Variants in TEX36 observed in about 807,000 individuals in gnomAD.
TEX36 encodes the protein testis expressed 36.
In TEX36, 12 loss-of-function variants were observed where a neutral mutation model predicts 13.6. The ratio of observed to expected loss-of-function variants is 0.88; its 90% confidence interval spans 0.56 to 1.43. The LOEUF is 1.43. Among genes scored for constraint, TEX36 ranks in the 40% most tolerant of loss-of-function variants. The probability of loss-of-function intolerance (pLI) is 0.00; values close to 1 mark genes in which losing one functional copy is unlikely to be tolerated. For synonymous variants in TEX36, 93 were observed against 83.0 expected, an observed-to-expected ratio of 1.12 and a Z score of -0.65; for missense variants, 224 against 228.3, an observed-to-expected ratio of 0.98 and a Z score of 0.12.
At chr10:125,651,073 G>C (rs978260212), downstream of TEX36, among the ~76,000 whole-genome samples, 1 of 152,208 alleles carries the variant, frequency 6.6e-6, no homozygotes, top group South Asian at 2.1e-4. Context: ...GAGGTACAAA[G>C]AGTAGCTGGT....
At chr10:125,581,474 G>A (rs1565165843) in intron 3 of TEX36, among the ~76,000 whole-genome samples, 1 of 152,038 alleles carries the variant, frequency 6.6e-6, no homozygotes, top group African/African-American at 2.4e-5. Context: ...ATATCCTCCT[G>A]GGTATTCTCA....
chr10:125,616,010 G>C (rs1243918135), intron 3 of TEX36, among the ~76,000 whole-genome samples: 1 of 152,074 alleles, frequency 6.6e-6, no homozygotes, highest in African/African-American at 2.4e-5. Context: ...GTTTAGTCTT[G>C]GGAAAGTGTA....
chr10:125,591,389 C>T (rs1846019682), intron 3 of TEX36, among the ~76,000 whole-genome samples: 1 of 152,144 alleles, frequency 6.6e-6, no homozygotes, highest in African/African-American at 2.4e-5. Context: ...TTTGGCTCTG[C>T]CCTTAGTAAC....
intron 3 of TEX36, among the ~76,000 whole-genome samples, chr10:125,614,533 T>C (rs1846332993): frequency 6.6e-6 from 1 of 152,114 alleles, no homozygotes; most frequent in Non-Finnish European, 1.5e-5. Flanking sequence ...ATTTATTAAA[T>C]AGGGAATCCT....
At chr10:125,588,636 A>G (rs1190387351) in intron 3 of TEX36, among the ~76,000 whole-genome samples, 2 of 151,424 alleles carry the variant, frequency 1.3e-5, no homozygotes, top group Admixed American at 6.6e-5. Context: ...TTTGTTTGAG[A>G]TGGAATCTCG....
intron 3 of TEX36, among the ~76,000 whole-genome samples, chr10:125,598,089 G>A (rs1846103842): frequency 1.3e-5 from 2 of 152,192 alleles, no homozygotes. Flanking sequence ...AGGCCCCTAA[G>A]AGGGGTCCCT....
intron 3 of TEX36, among the ~76,000 whole-genome samples, chr10:125,599,657 C>T (rs1846121842): frequency 6.6e-6 from 1 of 152,306 alleles, no homozygotes; most frequent in African/African-American, 2.4e-5. Context: ...GAATTAGTAA[C>T]ATTTTCACTG....
At chr10:125,668,318 T>G (rs953703075) in intron 1 of TEX36, among the ~76,000 whole-genome samples, 2 of 152,130 alleles carry the variant, frequency 1.3e-5, no homozygotes. Flanking sequence ...AGATTTTTTT[T>G]TTTTAATTAC....
At chr10:125,602,338 G>T (rs747885238) in intron 3 of TEX36, among the ~76,000 whole-genome samples, 12 of 152,090 alleles carry the variant, frequency 7.9e-5, no homozygotes, top group Non-Finnish European at 1.6e-4. Context: ...AGCCATAGAT[G>T]GGAAAGCGCT....
chr10:125,678,944 C>T (rs762845626), intron 1 of TEX36, among the ~76,000 whole-genome samples: 164 of 152,178 alleles, frequency 1.1e-3, no homozygotes, highest in Non-Finnish European at 9.0e-4. Context: ...GTGGAGTGCT[C>T]AGCTGAGAGG....
At chr10:125,583,734 A>T (rs1845911193) in intron 3 of TEX36, among the ~76,000 whole-genome samples, 1 of 152,212 alleles carries the variant, frequency 6.6e-6, no homozygotes, top group Non-Finnish European at 1.5e-5. Flanking sequence ...TTGAGTCTGG[A>T]ACAAAATAAT....
At chr10:125,667,190 C>T (rs1847137643) in intron 1 of TEX36, 4 of 651,976 alleles carry the variant, frequency 6.1e-6, no homozygotes, top group South Asian at 2.8e-5. Flanking sequence ...AGCGTTGTGA[C>T]AGTCACCATG....
At chr10:125,675,216 G>A (rs1708102166) in intron 1 of TEX36, among the ~76,000 whole-genome samples, 1 of 152,218 alleles carries the variant, frequency 6.6e-6, no homozygotes, top group Admixed American at 6.5e-5. Flanking sequence ...CAGCTGCTAT[G>A]CTGTGCTGTG....
intron 3 of TEX36, among the ~76,000 whole-genome samples, chr10:125,636,671 C>T (rs531330334): frequency 2.0e-5 from 3 of 152,306 alleles, no homozygotes; most frequent in South Asian, 2.1e-4. Flanking sequence ...GACCCACCAT[C>T]GTATCAGTGG....
intron 3 of TEX36, among the ~76,000 whole-genome samples, chr10:125,639,571 C>T (rs1046334292): frequency 7.3e-6 from 1 of 137,012 alleles, no homozygotes; most frequent in South Asian, 2.4e-4. Flanking sequence ...ACTGTGGCTA[C>T]ATCACCTGTC....
At chr10:125,601,777 A>G (rs774406748) in intron 3 of TEX36, among the ~76,000 whole-genome samples, 7 of 152,128 alleles carry the variant, frequency 4.6e-5, no homozygotes, top group Non-Finnish European at 1.0e-4. Flanking sequence ...GGGGATGTTG[A>G]TGTATCACAG....
downstream of TEX36, among the ~76,000 whole-genome samples, chr10:125,620,303 C>A (rs1238560024): frequency 9.9e-5 from 15 of 152,204 alleles, no homozygotes; most frequent in African/African-American, 3.6e-4. Context: ...CTCATTTTGT[C>A]AAGAGAAATG....
rs187112831 is a variant in TEX36 at position 125,608,314 on chromosome 10, C to T, written c.265-31440G>A. 4.1e-4 allele frequency among the ~76,000 whole-genome samples: 63 copies of T among 151,904 alleles called. 1 individual carries two copies. Among genetic ancestry groups the T allele is most frequent in the Non-Finnish European group, 1.2e-4 (8 of 67,994 alleles). On this transcript the variant is annotated intron_variant, in intron 3 of 3. Coordinates refer to the TEX36 transcript ENST00000532135. ...GATGGTTTCATGACTATACATTTGT[C>T]GGGAAAACTCATTGAACTACTGAAA...
downstream of TEX36, among the ~76,000 whole-genome samples, chr10:125,617,619 C>T (rs927145793): frequency 6.6e-6 from 1 of 152,258 alleles, no homozygotes; most frequent in Non-Finnish European, 1.5e-5. Flanking sequence ...TTGGCCCCAA[C>T]TCTCTTCTGG....
Sources: allele counts gnomAD v4.1 joint callset (sites outside exome capture counted in the v4.1 genomes callset), GRCh38; gene constraint gnomAD v4.1.1; transcripts MANE v1.5; gene names NCBI Gene and HGNC (gene_info 2026-07-23, HGNC 2026-07-21).